The following CATSPER2 variants were observed in gnomAD, a reference collection of about 807,000 sequenced individuals.
CATSPER2 encodes cation channel sperm-associated protein 2.
A neutral mutation model predicts 68.8 loss-of-function variants in CATSPER2; 56 were observed. The ratio of observed to expected loss-of-function variants is 0.81; its 90% confidence interval spans 0.66 to 1.02. The LOEUF is 1.02. Ranked by LOEUF, CATSPER2 falls within the 50% of genes least tolerant of loss-of-function variation. The pLI, the probability that CATSPER2 is intolerant of heterozygous loss-of-function variation, is 0.00. For missense variants in CATSPER2, 582 were observed against 642.0 expected, an observed-to-expected ratio of 0.91 and a Z score of 1.01; for synonymous variants, 198 against 229.9, an observed-to-expected ratio of 0.86 and a Z score of 1.26.
intron 11 of CATSPER2, 167 bp downstream of exon 11, chr15:43,632,550 G>T: frequency 1.4e-6 from 2 of 1,465,380 alleles, no homozygotes; most frequent in South Asian, 2.4e-5. Context: ...ACACTTACCC[G>T]AAGTGAAGAA....
At position 43,648,705 on chromosome 15, in the gene CATSPER2, T is replaced by C; in HGVS notation, c.-79A>G. The C allele has an allele frequency of 6.8e-7, 1 of 1,475,568 alleles. No homozygotes were observed. Among genetic ancestry groups the C allele is most frequent in the Non-Finnish European group, 8.9e-7 (1 of 1,117,636 alleles). 91.4% of individuals were successfully genotyped at this position (1,475,568 alleles called of 1,614,324 possible). A position where few individuals can be genotyped will look rare whatever the true frequency, so the allele number is the denominator to read the frequency against. ...CCAGCTCAGGTGCCCCGAGCCTGGC[T>C]ACCCCTATGCAAGACGAGCTCAGGG... On this transcript the variant is annotated 5_prime_UTR_variant, in exon 1 of 13. Coordinates refer to ENST00000396879, the MANE Select transcript of CATSPER2 (RefSeq NM_172095.4).
Position 43,639,520 on chromosome 15 carries a change from T to C in CATSPER2, c.717+123A>G, listed in dbSNP as rs1142998. 162 of 1,537,122 alleles carry C rather than the reference T, an allele frequency of 1.1e-4. 1 individual carries two copies. The Middle Eastern group carries it at 2.4e-3, about 23-fold the overall frequency. ...GACCTCATGACCCATCCCCCTCGGC[T>C]TCCCAAAGTGCTGGGATTACAGGCG... On this transcript the variant is annotated intron_variant, in intron 6 of 12. Coordinates refer to ENST00000396879, the MANE Select transcript of CATSPER2 (RefSeq NM_172095.4).
chr15:43,638,463 A>T (rs1199617413), intron 7 of CATSPER2, among the ~76,000 whole-genome samples: 6 of 150,566 alleles, frequency 4.0e-5, no homozygotes, highest in Non-Finnish European at 7.4e-5. Flanking sequence ...TAATTTTTGT[A>T]TTTTTGGTAG....
At chr15:43,647,016 C>T in intron 4 of CATSPER2, 34 bp downstream of exon 4, 1 of 1,578,554 alleles carries the variant, frequency 6.3e-7, no homozygotes, top group Non-Finnish European at 8.7e-7. Flanking sequence ...CGTGCCCGGC[C>T]TCACTTCCTC....
intron 6 of CATSPER2, among the ~76,000 whole-genome samples, chr15:43,639,255 T>C (rs573716191): frequency 6.6e-6 from 1 of 151,392 alleles, no homozygotes; most frequent in Non-Finnish European, 1.5e-5. Context: ...ATATATTTTT[T>C]TTTTTTTTAG....
Position 43,641,122 on chromosome 15 carries a change from G to GTTTTTTGT in CATSPER2, c.389-627_389-626insACAAAAAA, listed in dbSNP as rs570472253. 2.2e-4 allele frequency among the ~76,000 whole-genome samples: 31 copies of GTTTTTTGT among 144,076 alleles called. 1 individual carries two copies. Among genetic ancestry groups the GTTTTTTGT allele is most frequent in the African/African-American group, 6.6e-4 (26 of 39,382 alleles). The allele number at this position is 144,076 out of a possible 152,430, so 94.5% of individuals were successfully genotyped here. ...TGTTTTGTTTTGTTTTTTGTTTTTT[G>GTTTTTTGT]TTTTTTTTTTTGAGATGGAGTTTCG... On this transcript the variant is annotated intron_variant, in intron 4 of 12. Transcript: ENST00000396879.
At chr15:43,635,338 A>G (rs778593539) in intron 10 of CATSPER2, 22 bp downstream of exon 10, 1 of 1,592,436 alleles carries the variant, frequency 6.3e-7, no homozygotes, top group Non-Finnish European at 8.6e-7. Flanking sequence ...TTTCTATCCC[A>G]GTTCACATAC....
At chr15:43,643,875 G>C (rs568135917) in intron 4 of CATSPER2, among the ~76,000 whole-genome samples, 1 of 151,798 alleles carries the variant, frequency 6.6e-6, no homozygotes, top group Admixed American at 6.6e-5. Flanking sequence ...TTGAGACAGG[G>C]TCTTGCTCTG....
intron 7 of CATSPER2, chr15:43,637,628 T>C (rs1319539378): frequency 6.6e-6 from 1 of 152,030 alleles, no homozygotes; most frequent in Non-Finnish European, 1.5e-5. Flanking sequence ...TGGTTTAATA[T>C]TTAAAAAATA....
intron 4 of CATSPER2, among the ~76,000 whole-genome samples, chr15:43,644,517 G>A (rs186505490): frequency 3.9e-5 from 6 of 151,954 alleles, no homozygotes; most frequent in African/African-American, 1.4e-4. Flanking sequence ...CCCAGGCTAC[G>A]GACTGGTACC....
At chr15:43,645,508 T>C (rs1439784582) in intron 4 of CATSPER2, among the ~76,000 whole-genome samples, 2 of 151,808 alleles carry the variant, frequency 1.3e-5, no homozygotes, top group Non-Finnish European at 2.9e-5. Context: ...CCTCCTAGGC[T>C]GGACGTGGTA....
In CATSPER2 at chr15:43,640,516, G is replaced by A; in HGVS notation, c.389-20C>T. On this transcript the variant is annotated intron_variant, in intron 4 of 12. Coordinates refer to ENST00000396879, the MANE Select transcript of CATSPER2 (RefSeq NM_172095.4). ...GCAATTCTGTGAAGATAGAGCAAAG[G>A]AGGAATAAAAGTTAAGGAAGCTGGA... The A allele has an allele frequency of 2.5e-6, 4 of 1,612,920 alleles. No homozygotes were observed. Among genetic ancestry groups the A allele is most frequent in the South Asian group, 1.1e-5 (1 of 91,016 alleles).
Position 43,632,860 on chromosome 15 carries a change from G to A in CATSPER2, c.1253C>T (p.Ala418Val). 1.2e-6 allele frequency: 2 copies of A among 1,612,646 alleles called. No individual in the cohort carries two copies. Among genetic ancestry groups the A allele is most frequent in the Non-Finnish European group, 1.7e-6 (2 of 1,179,044 alleles). ...AGATGTTATTAAATCCTCTTCAGTG[G>A]CACCATAATTAGACTCTACTTCAGA... ...EVSEVESNYG[A>V]TEEDLITSAS... is the part of the protein sequence containing the mutation. Residue 418 changes from alanine to valine, a missense_variant, in exon 11 of 13, where the codon GCC becomes GTC. Ala to Val is a moderately conservative substitution (Grantham distance 64, BLOSUM62 0). Transcript: ENST00000396879.
chr15:43,643,098 G>A (rs35016551), intron 4 of CATSPER2: 1 of 151,840 alleles, frequency 6.6e-6, no homozygotes, highest in African/African-American at 2.4e-5. Flanking sequence ...CTGTTTTACA[G>A]GGTAGAGTTC....
Position 43,648,691 on chromosome 15 carries a change from G to A in CATSPER2, c.-65C>T. ...TCACGCTTCCGCCTCCAGCTCAGGT[G>A]CCCCGAGCCTGGCTACCCCTATGCA... On this transcript the variant is annotated 5_prime_UTR_variant, in exon 1 of 13. Coordinates refer to ENST00000396879, the MANE Select transcript of CATSPER2 (RefSeq NM_172095.4). 2.1e-6 allele frequency: 3 copies of A among 1,449,278 alleles called. No homozygotes were observed. The highest frequency in any genetic ancestry group is 1.5e-5 in the African/African-American group (1 of 68,882). 89.8% of individuals were successfully genotyped at this position (1,449,278 alleles called of 1,614,324 possible).
intron 1 of CATSPER2, 46 bp downstream of exon 1, chr15:43,648,583 C>T (rs1170048945): frequency 6.6e-6 from 9 of 1,369,008 alleles, no homozygotes; most frequent in East Asian, 2.8e-5. Flanking sequence ...AACACTCCTT[C>T]GGGGGCTAGC....
At chr15:43,641,518 A>G (rs1235922785) in intron 4 of CATSPER2, among the ~76,000 whole-genome samples, 3 of 97,482 alleles carry the variant, frequency 3.1e-5, no homozygotes, top group African/African-American at 1.7e-4. Context: ...ACCCTTGGAA[A>G]AAAAAAAAAC....
At chr15:43,648,489 A>G in intron 1 of CATSPER2, 140 bp downstream of exon 1, 1 of 861,956 alleles carries the variant, frequency 1.2e-6, no homozygotes, top group East Asian at 3.3e-5. Context: ...TGCTCACGCA[A>G]GAGAAACCAA....
chr15:43,639,848 G>A (rs2141566213), intron 5 of CATSPER2, 50 bp from the exon 6 acceptor site: 2 of 1,606,434 alleles, frequency 1.2e-6, no homozygotes, highest in South Asian at 1.1e-5. Flanking sequence ...AGGCACCCAG[G>A]CAGAATTGCA....
Sources: gnomAD v4.1 joint callset for allele counts (sites outside exome capture counted in the v4.1 genomes callset) on GRCh38, gnomAD v4.1.1 for gene constraint, MANE v1.5 for transcripts, NCBI Gene and HGNC (gene_info 2026-07-23, HGNC 2026-07-21) for gene names.